The following LOC400499 variants were observed in gnomAD, a reference collection of about 807,000 sequenced individuals.
At chr16:11,500,496 G>GC in the LOC400499 span, among the ~76,000 whole-genome samples, 1 of 111,504 alleles carries the variant, frequency 9.0e-6, no homozygotes, top group South Asian at 3.0e-4. Flanking sequence ...GGGCGACAGA[G>GC]CAAGACTCCG....
At chr16:11,403,044 C>A in the LOC400499 span, among the ~76,000 whole-genome samples, 2 of 152,080 alleles carry the variant, frequency 1.3e-5, no homozygotes, top group African/African-American at 4.8e-5. Context: ...GGGTTTTCTT[C>A]CTCTGTCCCC....
the LOC400499 span, among the ~76,000 whole-genome samples, chr16:11,433,461 T>C: frequency 6.6e-6 from 1 of 152,356 alleles, no homozygotes; most frequent in East Asian, 1.9e-4. Context: ...GTACTCAAAA[T>C]ACCAGCATAA....
At chr16:11,398,477 G>T in the LOC400499 span, 6 of 1,232,316 alleles carry the variant, frequency 4.9e-6, no homozygotes, top group African/African-American at 4.6e-5. Context: ...TGGCCTCCAT[G>T]ATGATCTTGT....
At chr16:11,499,406 C>T in the LOC400499 span, among the ~76,000 whole-genome samples, 1 of 151,812 alleles carries the variant, frequency 6.6e-6, no homozygotes, top group South Asian at 2.1e-4. Flanking sequence ...AAGCCCAGGG[C>T]AGGTCTTGGG....
chr16:11,397,648 G>T, the LOC400499 span, among the ~76,000 whole-genome samples: 1 of 152,004 alleles, frequency 6.6e-6, no homozygotes, highest in African/African-American at 2.4e-5. Flanking sequence ...CAAGACAGTG[G>T]TAAAGTTGGT....
chr16:11,416,796 C>T, the LOC400499 span, among the ~76,000 whole-genome samples: 8 of 152,050 alleles, frequency 5.3e-5, no homozygotes, highest in Admixed American at 1.3e-4. Context: ...AGGATCAGCC[C>T]GTGCCAAGGT....
chr16:11,390,869 T>A, the LOC400499 span, among the ~76,000 whole-genome samples: 1 of 152,100 alleles, frequency 6.6e-6, no homozygotes, highest in African/African-American at 2.4e-5. Context: ...GGGTGCTGAG[T>A]CTCCCAGGAG....
the LOC400499 span, chr16:11,460,532 C>T: frequency 6.5e-7 from 1 of 1,535,554 alleles, no homozygotes; most frequent in African/African-American, 1.4e-5. Flanking sequence ...CAGCTCCAGC[C>T]TGTAGGCACC....
At chr16:11,403,799 G>A in the LOC400499 span, among the ~76,000 whole-genome samples, 2 of 152,062 alleles carry the variant, frequency 1.3e-5, no homozygotes, top group Admixed American at 1.3e-4. Context: ...GGCTGCTGTT[G>A]TTGGCGCTGT....
the LOC400499 span, among the ~76,000 whole-genome samples, chr16:11,413,295 G>T: frequency 6.6e-6 from 1 of 152,204 alleles, no homozygotes; most frequent in Non-Finnish European, 1.5e-5. Context: ...AGTCCACTCA[G>T]TTGTGGGGTA....
At chr16:11,458,093 C>T in the LOC400499 span, among the ~76,000 whole-genome samples, 4 of 152,208 alleles carry the variant, frequency 2.6e-5, no homozygotes, top group Non-Finnish European at 2.9e-5. Context: ...GCCAGTAATC[C>T]CAACACTTTG....
chr16:11,452,265 G>C, the LOC400499 span, among the ~76,000 whole-genome samples: 1 of 148,288 alleles, frequency 6.7e-6, no homozygotes, highest in African/African-American at 2.5e-5. Context: ...ATTACATTGG[G>C]CTGGGCCAAG....
At chr16:11,441,327 A>G in the LOC400499 span, among the ~76,000 whole-genome samples, 1 of 152,354 alleles carries the variant, frequency 6.6e-6, no homozygotes, top group South Asian at 2.1e-4. Flanking sequence ...TCTTGCTCAA[A>G]GAAAGTGCCT....
the LOC400499 span, among the ~76,000 whole-genome samples, chr16:11,385,588 G>T: frequency 6.6e-6 from 1 of 152,214 alleles, no homozygotes; most frequent in African/African-American, 2.4e-5. Context: ...ATCCCCCACC[G>T]GCTTCAAGAT....
At chr16:11,516,690 C>G in the LOC400499 span, among the ~76,000 whole-genome samples, 1 of 152,170 alleles carries the variant, frequency 6.6e-6, no homozygotes, top group Non-Finnish European at 1.5e-5. Flanking sequence ...TTTTGTGGAC[C>G]AGTCTCGCTC....
At chr16:11,514,071 T>TGAGG in the LOC400499 span, among the ~76,000 whole-genome samples, 1 of 152,150 alleles carries the variant, frequency 6.6e-6, no homozygotes, top group Non-Finnish European at 1.5e-5. Context: ...ATGGGCAGAC[T>TGAGG]GAGGGGTCAC....
chr16:11,462,093 G>A, the LOC400499 span: 83 of 1,468,352 alleles, frequency 5.7e-5, no homozygotes, highest in Admixed American at 1.1e-4. Flanking sequence ...GAGCAGAGGG[G>A]ACAGAAGGGG....
the LOC400499 span, chr16:11,488,857 A>G: frequency 2.5e-6 from 1 of 398,916 alleles, no homozygotes; most frequent in African/African-American, 2.1e-5. Context: ...GACTCCACAC[A>G]AAAGAACCCA....
At chr16:11,392,474 C>T in the LOC400499 span, 3 of 399,070 alleles carry the variant, frequency 7.5e-6, no homozygotes, top group East Asian at 7.1e-5. Context: ...GGCACATGCC[C>T]GCAGCACCAC....
Sources: allele counts gnomAD v4.1 joint callset (sites outside exome capture counted in the v4.1 genomes callset), GRCh38; gene constraint gnomAD v4.1.1; transcripts MANE v1.5.